SUFU: variants seen among roughly 807,000 people sequenced by gnomAD.
SUFU encodes the protein suppressor of fused homolog.
A neutral mutation model predicts 58.9 loss-of-function variants in SUFU; 7 were observed. That is an observed-to-expected ratio of 0.12 (90% CI 0.07 to 0.22). SUFU has a LOEUF of 0.22. Ranked by LOEUF, SUFU falls within the 10% of genes least tolerant of loss-of-function variation. SUFU has a pLI of 1.00. For synonymous variants in SUFU, 232 were observed against 254.8 expected (o/e 0.91, Z 0.85); for missense variants, 451 against 641.3 (o/e 0.70, Z 3.20).
chr10:102,532,298 A>C (rs2062685863), intron 2 of SUFU, among the ~76,000 whole-genome samples: 1 of 152,034 alleles, frequency 6.6e-6, no homozygotes. Flanking sequence ...ACCCAATTAG[A>C]TGCCAGAGGG....
chr10:102,619,558 A>G lies in SUFU; in HGVS notation c.1296+2130A>G. The G allele has an allele frequency of 9.8e-7, 1 of 1,020,574 alleles. No homozygotes were observed. The highest frequency in any genetic ancestry group is 4.1e-5 in the South Asian group (1 of 24,600). The allele number at this position is 1,020,574 out of a possible 1,614,324, so 63.2% of individuals were successfully genotyped here. A position where few individuals can be genotyped will look rare whatever the true frequency, so the allele number is the denominator to read the frequency against. The stretch of plus-strand genomic sequence containing the variant: ...AAGGCTGGCGGAGGCCCCACACCCC[A>G]AGCACCCACCCTTGATCACCGAGGG... On this transcript the variant is annotated intron_variant, in intron 10 of 11. Transcript: ENST00000369902. The surrounding 1 kb of genome is among the most constrained non-coding windows in gnomAD (Gnocchi z 4.2).
intron 3 of SUFU, among the ~76,000 whole-genome samples, chr10:102,575,895 A>G (rs2063207363): frequency 6.6e-6 from 1 of 151,964 alleles, no homozygotes; most frequent in Non-Finnish European, 1.5e-5. Context: ...TGGAGTGCAG[A>G]GGCGTGATCT....
At chr10:102,623,717 A>T (rs1420793958) in intron 10 of SUFU, among the ~76,000 whole-genome samples, 1 of 152,118 alleles carries the variant, frequency 6.6e-6, no homozygotes, top group African/African-American at 2.4e-5. Flanking sequence ...AGGCGGATGG[A>T]TCATTTGAGG....
chr10:102,526,581 G>T (rs548830606), intron 2 of SUFU, among the ~76,000 whole-genome samples: 3 of 152,030 alleles, frequency 2.0e-5, no homozygotes. Context: ...AAAAAAGCAG[G>T]GATGGTACTC....
intron 2 of SUFU, among the ~76,000 whole-genome samples, chr10:102,531,819 A>G (rs1409235045): frequency 6.6e-6 from 1 of 152,152 alleles, no homozygotes; most frequent in African/African-American, 2.4e-5. Flanking sequence ...CCAAGAACCT[A>G]GAGGAGAAAG....
intron 3 of SUFU, among the ~76,000 whole-genome samples, chr10:102,566,481 T>G (rs1292999557): frequency 2.6e-5 from 4 of 151,788 alleles, no homozygotes; most frequent in Non-Finnish European, 5.9e-5. Flanking sequence ...AGTACAAAAA[T>G]TAGGTCAGGC....
chr10:102,527,506 T>A (rs967089475), intron 2 of SUFU, among the ~76,000 whole-genome samples: 9 of 151,058 alleles, frequency 6.0e-5, no homozygotes, highest in African/African-American at 2.2e-4. Context: ...AAGATATATA[T>A]ATATATATGT....
At chr10:102,630,044 T>G in intron 11 of SUFU, 22 bp from the exon 12 acceptor site, 1 of 1,609,256 alleles carries the variant, frequency 6.2e-7, no homozygotes, top group Non-Finnish European at 8.5e-7. Flanking sequence ...ACACTCCTGG[T>G]CTGTGCTTGC....
At chr10:102,601,817 G>A (rs1284548844) in intron 8 of SUFU, among the ~76,000 whole-genome samples, 1 of 152,216 alleles carries the variant, frequency 6.6e-6, no homozygotes, top group Non-Finnish European at 1.5e-5. Flanking sequence ...GACCCAAAAT[G>A]TGCTGGCACC....
intron 8 of SUFU, among the ~76,000 whole-genome samples, chr10:102,610,263 G>A (rs185413062): frequency 6.6e-6 from 1 of 151,634 alleles, no homozygotes; most frequent in Admixed American, 6.6e-5. Context: ...TGTGGTGGTG[G>A]GCACCTATAA....
intron 1 of SUFU, among the ~76,000 whole-genome samples, chr10:102,506,023 C>T (rs2062321059): frequency 7.0e-6 from 1 of 142,730 alleles, no homozygotes; most frequent in Admixed American, 7.1e-5. Context: ...GTAGCCAGAC[C>T]CTAACTCTGT....
At chr10:102,626,152 G>GAGGGGGAGGGGTGAAGGA (rs2063784723) in intron 10 of SUFU, among the ~76,000 whole-genome samples, 2 of 152,104 alleles carry the variant, frequency 1.3e-5, no homozygotes, top group Non-Finnish European at 2.9e-5. Flanking sequence ...CAAGGACAGG[G>GAGGGGGAGGGGTGAAGGA]AGGGGGAGGG....
At chr10:102,598,604 A>G (rs2063487138) in intron 7 of SUFU, among the ~76,000 whole-genome samples, 1 of 152,240 alleles carries the variant, frequency 6.6e-6, no homozygotes, top group Non-Finnish European at 1.5e-5. Context: ...CTAAAATTTC[A>G]GTCATTACTG....
At chr10:102,511,972 A>G (rs540351045) in intron 2 of SUFU, among the ~76,000 whole-genome samples, 2 of 152,212 alleles carry the variant, frequency 1.3e-5, no homozygotes, top group Admixed American at 6.5e-5. Context: ...TTGGCCTCCC[A>G]GAGTGTTGGG....
chr10:102,567,368 A>G (rs2063102540), intron 3 of SUFU, among the ~76,000 whole-genome samples: 1 of 151,952 alleles, frequency 6.6e-6, no homozygotes, highest in Non-Finnish European at 1.5e-5. Context: ...CAGTTTCTTC[A>G]TAGCTCTCTC....
In SUFU at chr10:102,615,350, G is replaced by A. The variant is rs149449923; in HGVS notation, c.1105G>A (p.Val369Ile). 3.6e-5 allele frequency: 58 copies of A among 1,614,080 alleles called. No homozygotes were observed. Among genetic ancestry groups the A allele is most frequent in the East Asian group, 3.6e-4 (16 of 44,882 alleles). The change falls in exon 9 of 12, where the codon GTA (valine) becomes ATA (isoleucine). Residue 369 changes from valine (V) to isoleucine (I), a missense_variant. Transcript: ENST00000369902. ...GATTCGCACGCGGCAGCTTGAGAGC[G>A]TACATCTGAAATTCAACCAGGAGTC... Reference protein sequence around the residue: ...ELIRTRQLESVHLKFNQESGA... With the variant: ...ELIRTRQLESIHLKFNQESGA...
At chr10:102,587,279 C>T (rs1384713287) in intron 3 of SUFU, among the ~76,000 whole-genome samples, 3 of 152,128 alleles carry the variant, frequency 2.0e-5, no homozygotes, top group Non-Finnish European at 2.9e-5. Flanking sequence ...GCAGAACCGC[C>T]GTACTGTTTT....
At chr10:102,549,719 C>T (rs2062891605) in intron 2 of SUFU, among the ~76,000 whole-genome samples, 1 of 152,244 alleles carries the variant, frequency 6.6e-6, no homozygotes, top group South Asian at 2.1e-4. Flanking sequence ...TTCAGAGTGC[C>T]AGCAGTAGAA....
chr10:102,521,239 C>A (rs1275256498), intron 2 of SUFU, among the ~76,000 whole-genome samples: 3 of 152,174 alleles, frequency 2.0e-5, no homozygotes, highest in Non-Finnish European at 4.4e-5. Flanking sequence ...AGCGTCTTTT[C>A]ATATGCTTGT....
Sources: allele counts gnomAD v4.1 joint callset (sites outside exome capture counted in the v4.1 genomes callset), GRCh38; gene constraint gnomAD v4.1.1; non-coding constraint Gnocchi (gnomAD v3.1); transcripts MANE v1.5; gene names NCBI Gene and HGNC (gene_info 2026-07-23, HGNC 2026-07-21).